Variants in GAP43 observed in about 807,000 individuals in gnomAD.
GAP43 encodes neuromodulin.
A neutral mutation model predicts 18.6 loss-of-function variants in GAP43; 6 were observed. The ratio of observed to expected loss-of-function variants is 0.32; its 90% CI spans 0.18 to 0.64. The LOEUF is 0.64. Ranked by LOEUF, GAP43 falls within the 30% of genes least tolerant of loss-of-function variation. GAP43 has a pLI of 0.78. For missense variants in GAP43, 292 were observed against 295.5 expected, an observed-to-expected ratio of 0.99 and a Z score of 0.09; for synonymous variants, 115 against 111.4, an observed-to-expected ratio of 1.03 and a Z score of -0.20.
intron 1 of GAP43, among the ~76,000 whole-genome samples, chr3:115,674,296 G>A (rs1708852292): frequency 6.6e-6 from 1 of 152,180 alleles, no homozygotes; most frequent in Non-Finnish European, 1.5e-5. Context: ...AAAGTTCAAT[G>A]CTCAAGTTAA....
At chr3:115,699,955 A>C (rs1383160775) in intron 2 of GAP43, among the ~76,000 whole-genome samples, 2 of 152,142 alleles carry the variant, frequency 1.3e-5, no homozygotes, top group African/African-American at 2.4e-5. Flanking sequence ...ACATGCCTGT[A>C]GTATTACTAG....
chr3:115,653,337 G>T (rs1443319948), intron 1 of GAP43, among the ~76,000 whole-genome samples: 1 of 152,118 alleles, frequency 6.6e-6, no homozygotes, highest in Non-Finnish European at 1.5e-5. Flanking sequence ...ACCTACTTGG[G>T]AGGCTGAAGC....
chr3:115,655,202 G>C (rs143207091), intron 1 of GAP43, among the ~76,000 whole-genome samples: 2 of 152,162 alleles, frequency 1.3e-5, no homozygotes, highest in Non-Finnish European at 2.9e-5. Flanking sequence ...TCAAATTTTC[G>C]ATCTGTGAAC....
At chr3:115,624,430 C>A (rs988784163) in intron 1 of GAP43, among the ~76,000 whole-genome samples, 10 of 151,934 alleles carry the variant, frequency 6.6e-5, no homozygotes, top group Non-Finnish European at 1.5e-5. Flanking sequence ...GAGGGTGGAC[C>A]ACGCCCCTAG....
intron 2 of GAP43, among the ~76,000 whole-genome samples, chr3:115,698,140 AAT>A (rs1709234626): frequency 2.5e-5 from 1 of 40,756 alleles, no homozygotes; most frequent in African/African-American, 1.2e-4. Context: ...TAATATATAT[AAT>A]ATATATTATA....
intron 2 of GAP43, among the ~76,000 whole-genome samples, chr3:115,716,532 G>A (rs1261364504): frequency 6.7e-6 from 1 of 150,100 alleles, no homozygotes; most frequent in African/African-American, 2.4e-5. Flanking sequence ...TCTTTACATT[G>A]TTTCCTCCAT....
At chr3:115,665,921 T>G (rs1200513604) in intron 1 of GAP43, among the ~76,000 whole-genome samples, 1 of 152,104 alleles carries the variant, frequency 6.6e-6, no homozygotes, top group African/African-American at 2.4e-5. Context: ...GCAATTGTTT[T>G]ACTAGATGTG....
At chr3:115,698,402 G>T (rs1161606214) in intron 2 of GAP43, among the ~76,000 whole-genome samples, 1 of 139,748 alleles carries the variant, frequency 7.2e-6, no homozygotes, top group Non-Finnish European at 1.5e-5. Flanking sequence ...TGCACAATTA[G>T]AAAATAGTTT....
At chr3:115,699,375 C>A (rs373566787) in intron 2 of GAP43, among the ~76,000 whole-genome samples, 12 of 152,152 alleles carry the variant, frequency 7.9e-5, no homozygotes, top group African/African-American at 2.9e-4. Flanking sequence ...CCTCTTCCCC[C>A]ACCACTACGC....
At position 115,676,032 on chromosome 3, in the gene GAP43, A is replaced by G; in HGVS notation, c.50A>G (p.Asp17Gly). Reference protein sequence around the residue: ...RTKQVEKNDDDQKIEQDGIKP... With the variant: ...RTKQVEKNDDGQKIEQDGIKP... ...ACAAAGGTTGAAAAAAATGATGACGACCAAAAGATTGAACAAGATGGTATC... is the reference window on the plus strand; with the variant it reads ...ACAAAGGTTGAAAAAAATGATGACGGCCAAAAGATTGAACAAGATGGTATC... The change falls in exon 2 of 3, where the codon GAC (aspartate) becomes GGC (glycine). Residue 17 changes from aspartate to glycine, a missense_variant. Physicochemically the swap from Asp to Gly is moderately conservative, Grantham distance 94. Coordinates refer to ENST00000305124, the MANE Select transcript of GAP43 (RefSeq NM_002045.4). The G allele has an allele frequency of 6.2e-7, 1 of 1,601,528 alleles. No individual in the cohort carries two copies. The highest frequency in any genetic ancestry group is 8.5e-7 in the Non-Finnish European group (1 of 1,175,140).
chr3:115,663,674 T>G, intron 1 of GAP43: 1 of 1,447,718 alleles, frequency 6.9e-7, no homozygotes, highest in Non-Finnish European at 9.1e-7. Context: ...ATTTCTACTT[T>G]TCTATTGTAA....
chr3:115,701,745 C>A (rs1047602969), intron 2 of GAP43, among the ~76,000 whole-genome samples: 1 of 152,058 alleles, frequency 6.6e-6, no homozygotes, highest in Non-Finnish European at 1.5e-5. Flanking sequence ...TGTTGACCTT[C>A]TATTTTACTG....
chr3:115,690,957 A>G (rs897949118), intron 2 of GAP43, among the ~76,000 whole-genome samples: 33 of 151,818 alleles, frequency 2.2e-4, no homozygotes, highest in African/African-American at 6.0e-4. Context: ...GGGTTTCACC[A>G]TGTTAGCTAG....
chr3:115,643,893 A>G (rs1186946233), intron 1 of GAP43, among the ~76,000 whole-genome samples: 1 of 152,070 alleles, frequency 6.6e-6, no homozygotes, highest in African/African-American at 2.4e-5. Flanking sequence ...CTCAACAAAT[A>G]TTTATTGAAT....
chr3:115,700,361 A>G (rs1481660608), intron 2 of GAP43, among the ~76,000 whole-genome samples: 1 of 152,134 alleles, frequency 6.6e-6, no homozygotes, highest in Admixed American at 6.6e-5. Flanking sequence ...GATGCCTAAA[A>G]ATAAAATTAC....
At chr3:115,683,147 G>GCA (rs869219452) in intron 2 of GAP43, among the ~76,000 whole-genome samples, 1,949 of 127,300 alleles carry the variant, frequency 0.015, 49 homozygotes, top group African/African-American at 0.043. Flanking sequence ...GCGCGCGCGC[G>GCA]CACACACACA....
At chr3:115,686,282 T>C (rs976451451) in intron 2 of GAP43, among the ~76,000 whole-genome samples, 1 of 152,244 alleles carries the variant, frequency 6.6e-6, no homozygotes, top group Non-Finnish European at 1.5e-5. Context: ...TAAATATACA[T>C]TTGTAAAACC....
intron 2 of GAP43, among the ~76,000 whole-genome samples, chr3:115,686,468 C>T (rs1709034501): frequency 1.3e-5 from 2 of 152,034 alleles, no homozygotes; most frequent in South Asian, 4.1e-4. Flanking sequence ...GTACATTGTC[C>T]TCAAAATTTG....
In GAP43 at chr3:115,700,149, C is replaced by T. The variant is rs191336535; in HGVS notation, c.629-20645C>T. 6.2e-4 allele frequency among the ~76,000 whole-genome samples: 95 copies of T among 152,280 alleles called. 1 individual carries two copies. The highest frequency in any genetic ancestry group is 1.3e-3 in the East Asian group (7 of 5,186). Reference sequence around the variant, plus strand: ...CTTAGTGTTCTGTTAATATAAACAACTTTGCAGAACACCAACATCAGACAA... The same window carrying T: ...CTTAGTGTTCTGTTAATATAAACAATTTTGCAGAACACCAACATCAGACAA... On this transcript the variant is annotated intron_variant, in intron 2 of 2. Coordinates refer to ENST00000305124, the MANE Select transcript of GAP43 (RefSeq NM_002045.4).
Sources: gnomAD v4.1 joint callset for allele counts (sites outside exome capture counted in the v4.1 genomes callset) on GRCh38, gnomAD v4.1.1 for gene constraint, MANE v1.5 for transcripts, NCBI Gene and HGNC (gene_info 2026-07-23, HGNC 2026-07-21) for gene names.